Variants in WIF1 observed in about 807,000 individuals in gnomAD.
WIF1 encodes the protein Wnt inhibitory factor 1.
Under a neutral mutation model 53.5 loss-of-function variants are expected in WIF1, and 35 were observed. The observed-to-expected ratio is 0.65, with a 90% CI of 0.50 to 0.87. The LOEUF is 0.87. WIF1 is among the 40% of genes least tolerant of loss of function. WIF1 has a pLI of 0.00. For missense variants in WIF1, 467 were observed against 476.8 expected, an observed-to-expected ratio of 0.98 and a Z score of 0.19; for synonymous variants, 171 against 170.4, an observed-to-expected ratio of 1.00 and a Z score of -0.03.
chr12:65,077,630 A>G (rs985056825), intron 3 of WIF1, 116 bp downstream of exon 3: 2 of 730,692 alleles, frequency 2.7e-6, no homozygotes, highest in Admixed American at 5.4e-5. Flanking sequence ...TAAAATCAAC[A>G]GATGTCTTCA....
At chr12:65,119,794 T>C (rs1883573101) in intron 2 of WIF1, among the ~76,000 whole-genome samples, 1 of 152,328 alleles carries the variant, frequency 6.6e-6, no homozygotes, top group Admixed American at 6.5e-5. Context: ...GCTAATGTGC[T>C]AAGGAATAAA....
intron 3 of WIF1, 135 bp from the exon 4 acceptor site, chr12:65,069,039 G>T: frequency 1.1e-6 from 1 of 922,928 alleles, no homozygotes; most frequent in Non-Finnish European, 1.6e-6. Flanking sequence ...TATCTCCACT[G>T]GAGTAGGAAC....
rs7301320 is a variant in WIF1 at position 65,120,486 on chromosome 12, T to C, written c.219A>G (p.Ala73=). Residue 73 remains alanine (A), a synonymous_variant, in exon 2 of 10, where the codon GCA becomes GCG. Transcript: ENST00000286574. ...MAPFTHDFRK[A]QQRMPAIPVN... ...CAGGAATAGCTGGCATTCTCTGTTG[T>C]GCTTTTCTGAAATCATGTGTAAAAG... The C allele has an allele frequency of 0.75, 1,212,063 of 1,613,906 alleles. 457,501 individuals are homozygous for C. The highest frequency in any genetic ancestry group is 1 in the East Asian group (44,826 of 44,874).
At chr12:65,078,066 T>C (rs915225568) in intron 2 of WIF1, among the ~76,000 whole-genome samples, 1 of 152,016 alleles carries the variant, frequency 6.6e-6, no homozygotes, top group Non-Finnish European at 1.5e-5. Context: ...ACAGCCACAA[T>C]AGTTAATCTG....
intron 2 of WIF1, among the ~76,000 whole-genome samples, chr12:65,089,601 A>G (rs530094597): frequency 3.3e-5 from 5 of 152,138 alleles, no homozygotes; most frequent in African/African-American, 1.2e-4. Context: ...ATCCTGCCTC[A>G]CAGGTCTTTG....
intron 2 of WIF1, among the ~76,000 whole-genome samples, chr12:65,112,310 T>G (rs541262917): frequency 5.8e-4 from 89 of 152,180 alleles, no homozygotes; most frequent in African/African-American, 1.9e-3. Flanking sequence ...CTCCCTTTTA[T>G]GTTATGTTCA....
intron 6 of WIF1, among the ~76,000 whole-genome samples, chr12:65,064,283 T>C (rs987245372): frequency 2.6e-5 from 4 of 152,202 alleles, no homozygotes; most frequent in African/African-American, 9.7e-5. Context: ...TCTTAGTACT[T>C]GTATGCTATT....
At chr12:65,060,241 C>T (rs763663820) in intron 7 of WIF1, among the ~76,000 whole-genome samples, 30 of 152,272 alleles carry the variant, frequency 2.0e-4, no homozygotes, top group African/African-American at 5.1e-4. Context: ...GCATCTCACA[C>T]GCAGATTTTC....
At position 65,120,456 on chromosome 12, in the gene WIF1, A is replaced by G. The variant is rs1446619662; in HGVS notation, c.249T>C (p.Asn83=). ...GCCAGGTAAAATTCATGGAATGGAT[A>G]TTGACAGGAATAGCTGGCATTCTCT... ...AQQRMPAIPV[N]IHSMNFTWQA... The change falls in exon 2 of 10, where the codon AAT becomes AAC. Residue 83 remains asparagine, a synonymous_variant. Coordinates refer to ENST00000286574, the MANE Select transcript of WIF1 (RefSeq NM_007191.5). 6.2e-7 allele frequency: 1 copy of G among 1,613,878 alleles called. No individual in the cohort carries two copies. The highest frequency in any genetic ancestry group is 8.5e-7 in the Non-Finnish European group (1 of 1,179,970).
chr12:65,070,572 A>G (rs573068663), intron 3 of WIF1, among the ~76,000 whole-genome samples: 2 of 152,306 alleles, frequency 1.3e-5, no homozygotes, highest in South Asian at 4.1e-4. Context: ...AGGTAGGCCA[A>G]TAATTGCTTT....
Position 65,077,874 on chromosome 12 carries a change from CAGTT to C in WIF1, c.289-24_289-21del, listed in dbSNP as rs574945451. On this transcript the variant is annotated intron_variant, in intron 2 of 9. Transcript: ENST00000286574. ...TTCTGCCTACAACCAAAGGCACTGA[CAGTT>C]AGTAACATGGAAACCAGAGAGGGAG... 48 of 1,573,878 alleles carry C rather than the reference CAGTT, an allele frequency of 3.0e-5. No individual in the cohort carries two copies. In the South Asian group the frequency reaches 4.2e-4, roughly 14 times the overall value.
At chr12:65,053,027 G>A (rs1882464192) in intron 9 of WIF1, among the ~76,000 whole-genome samples, 1 of 152,162 alleles carries the variant, frequency 6.6e-6, no homozygotes, top group Non-Finnish European at 1.5e-5. Flanking sequence ...TTTTGATTCT[G>A]AAGCAAGCCT....
intron 2 of WIF1, among the ~76,000 whole-genome samples, chr12:65,087,582 C>G (rs1482159742): frequency 6.6e-6 from 1 of 151,568 alleles, no homozygotes; most frequent in Middle Eastern, 3.2e-3. Context: ...AGTATTTTTT[C>G]ATTGAATCCA....
chr12:65,091,173 A>T (rs1216958049), intron 2 of WIF1, among the ~76,000 whole-genome samples: 2 of 152,062 alleles, frequency 1.3e-5, no homozygotes, highest in Admixed American at 1.3e-4. Flanking sequence ...CACCACAAAG[A>T]TGTAATCAGT....
chr12:65,074,216 TACATGTGC>T (rs1302219844), intron 3 of WIF1, among the ~76,000 whole-genome samples: 3 of 151,848 alleles, frequency 2.0e-5, no homozygotes, highest in Non-Finnish European at 2.9e-5. Context: ...AGTTTTAGGG[TACATGTGC>T]ACATTATGCA....
intron 5 of WIF1, among the ~76,000 whole-genome samples, chr12:65,067,064 C>T (rs975615516): frequency 1.3e-5 from 2 of 151,976 alleles, no homozygotes; most frequent in Non-Finnish European, 2.9e-5. Context: ...TTTGCTTAAT[C>T]TTCTAATTCC....
In WIF1 at chr12:65,055,232, A is replaced by C; in HGVS notation, c.923-19T>G. On this transcript the variant is annotated intron_variant, in intron 8 of 9. Coordinates refer to ENST00000286574, the MANE Select transcript of WIF1 (RefSeq NM_007191.5). The stretch of plus-strand genomic sequence containing the variant: ...CAGACAGCTAGAATCAAAAGAAATA[A>C]AAAGAGTATTTCCTGAGCTTTCCTT... 1.2e-6 allele frequency: 2 copies of C among 1,609,066 alleles called. No individual in the cohort carries two copies. The highest frequency in any genetic ancestry group is 2.2e-5 in the South Asian group (2 of 89,652).
intron 2 of WIF1, among the ~76,000 whole-genome samples, chr12:65,116,735 C>T (rs1016374787): frequency 1.3e-5 from 2 of 151,560 alleles, no homozygotes; most frequent in African/African-American, 2.4e-5. Context: ...GAGTTCAAGA[C>T]CAGCCTGGCC....
chr12:65,103,551 A>G (rs1349926861), intron 2 of WIF1, among the ~76,000 whole-genome samples: 1 of 152,236 alleles, frequency 6.6e-6, no homozygotes, highest in Non-Finnish European at 1.5e-5. Context: ...AATCAAAAAT[A>G]TTCCACTAGT....
Sources: gnomAD v4.1 joint callset for allele counts (sites outside exome capture counted in the v4.1 genomes callset) on GRCh38, gnomAD v4.1.1 for gene constraint, MANE v1.5 for transcripts, NCBI Gene and HGNC (gene_info 2026-07-23, HGNC 2026-07-21) for gene names.